HEMK2: variants seen among roughly 807,000 people sequenced by gnomAD.
HEMK2 encodes the protein HemK methyltransferase 2, ETF1 glutamine and histone H4 lysine.
the HEMK2 span, among the ~76,000 whole-genome samples, chr21:28,816,089 G>A: frequency 2.0e-5 from 3 of 152,192 alleles, no homozygotes; most frequent in African/African-American, 4.8e-5. Context: ...GATGGCATCT[G>A]AAGACAAGAA....
chr21:28,867,984 T>A, the HEMK2 span, among the ~76,000 whole-genome samples: 1 of 152,362 alleles, frequency 6.6e-6, no homozygotes, highest in South Asian at 2.1e-4. Flanking sequence ...GAGGTAAGAA[T>A]CTAATTTCAT....
chr21:28,734,698 C>T, the HEMK2 span, among the ~76,000 whole-genome samples: 1 of 152,168 alleles, frequency 6.6e-6, no homozygotes. Context: ...GGGTGGGTCT[C>T]ATCATGAGTC....
At chr21:28,841,064 A>T in the HEMK2 span, among the ~76,000 whole-genome samples, 3 of 51,154 alleles carry the variant, frequency 5.9e-5, no homozygotes, top group African/African-American at 2.8e-4. Context: ...TTATATATAA[A>T]TAAATATTAT....
chr21:28,822,360 T>G, the HEMK2 span, among the ~76,000 whole-genome samples: 1 of 152,160 alleles, frequency 6.6e-6, no homozygotes, highest in African/African-American at 2.4e-5. Flanking sequence ...CCAAGTCCTA[T>G]TACAATATTA....
the HEMK2 span, among the ~76,000 whole-genome samples, chr21:28,643,181 A>G: frequency 2.6e-5 from 4 of 152,142 alleles, no homozygotes; most frequent in African/African-American, 9.7e-5. Context: ...CACTTATTGC[A>G]CTTGCTCTGC....
chr21:28,716,510 T>G, the HEMK2 span, among the ~76,000 whole-genome samples: 2 of 152,190 alleles, frequency 1.3e-5, no homozygotes, highest in African/African-American at 4.8e-5. Context: ...CTGAAGTCAT[T>G]TATTAGTTCT....
At chr21:28,880,699 C>T in the HEMK2 span, among the ~76,000 whole-genome samples, 2 of 150,648 alleles carry the variant, frequency 1.3e-5, no homozygotes, top group Admixed American at 6.6e-5. Context: ...GCCAAGATTG[C>T]GCCACTACAC....
At chr21:28,599,851 T>C in the HEMK2 span, among the ~76,000 whole-genome samples, 1 of 152,184 alleles carries the variant, frequency 6.6e-6, no homozygotes, top group Non-Finnish European at 1.5e-5. Context: ...ACAAAGGGGC[T>C]ACAGAGACAG....
the HEMK2 span, among the ~76,000 whole-genome samples, chr21:28,761,325 TGTGA>T: frequency 2.4e-3 from 370 of 152,234 alleles, 3 homozygotes; most frequent in African/African-American, 8.3e-3. Context: ...AAAACTTTTC[TGTGA>T]GTAAGAAATT....
the HEMK2 span, among the ~76,000 whole-genome samples, chr21:28,672,074 T>A: frequency 6.6e-6 from 1 of 152,092 alleles, no homozygotes; most frequent in Non-Finnish European, 1.5e-5. Context: ...GCACATTAGA[T>A]AGTAGGCTCT....
At chr21:28,813,847 A>G in the HEMK2 span, among the ~76,000 whole-genome samples, 1 of 152,220 alleles carries the variant, frequency 6.6e-6, no homozygotes, top group Admixed American at 6.5e-5. Flanking sequence ...TATTTAACAA[A>G]GGGTGTTCAG....
chr21:28,795,768 G>A, the HEMK2 span, among the ~76,000 whole-genome samples: 1 of 152,188 alleles, frequency 6.6e-6, no homozygotes, highest in African/African-American at 2.4e-5. Context: ...TGGAGCACAG[G>A]TTTGAAAACT....
At chr21:28,814,602 T>C in the HEMK2 span, among the ~76,000 whole-genome samples, 1,970 of 150,520 alleles carry the variant, frequency 0.013, 36 homozygotes, top group African/African-American at 0.045. Context: ...AAAGAAGACA[T>C]TTATGCAGCC....
the HEMK2 span, among the ~76,000 whole-genome samples, chr21:28,660,146 C>T: frequency 6.6e-6 from 1 of 151,740 alleles, no homozygotes. Context: ...ACTGATCAAG[C>T]TGAAATACAA....
At chr21:28,674,082 G>A in the HEMK2 span, among the ~76,000 whole-genome samples, 1 of 152,170 alleles carries the variant, frequency 6.6e-6, no homozygotes, top group Non-Finnish European at 1.5e-5. Flanking sequence ...ACACGCTGCA[G>A]TAAAGAAGCC....
chr21:28,788,723 A>G, the HEMK2 span, among the ~76,000 whole-genome samples: 3 of 152,228 alleles, frequency 2.0e-5, no homozygotes, highest in South Asian at 4.1e-4. Context: ...AAAAAAAAGA[A>G]AAAATGCCAC....
chr21:28,770,493 T>C, the HEMK2 span, among the ~76,000 whole-genome samples: 1 of 152,154 alleles, frequency 6.6e-6, no homozygotes, highest in Non-Finnish European at 1.5e-5. Context: ...GTCATTTGAA[T>C]GTGTCCCCCA....
the HEMK2 span, among the ~76,000 whole-genome samples, chr21:28,798,074 C>T: frequency 6.6e-6 from 1 of 152,128 alleles, no homozygotes; most frequent in African/African-American, 2.4e-5. Flanking sequence ...CCTGAGGATC[C>T]AGGCAAGTGA....
the HEMK2 span, among the ~76,000 whole-genome samples, chr21:28,705,274 T>C: frequency 6.6e-6 from 1 of 152,214 alleles, no homozygotes; most frequent in Non-Finnish European, 1.5e-5. Flanking sequence ...GGACTTTAAA[T>C]AACTACAATG....
Sources: allele counts gnomAD v4.1 joint callset (sites outside exome capture counted in the v4.1 genomes callset), GRCh38; gene constraint gnomAD v4.1.1; transcripts MANE v1.5; gene names NCBI Gene and HGNC (gene_info 2026-07-23, HGNC 2026-07-21).